Variants in HIBCH observed in about 807,000 individuals in gnomAD.
HIBCH encodes the protein 3-hydroxyisobutyryl-CoA hydrolase, mitochondrial.
Under a neutral mutation model 58.2 loss-of-function variants are expected in HIBCH, and 50 were observed. The ratio of observed to expected loss-of-function variants is 0.86; its 90% CI spans 0.68 to 1.09. The LOEUF is 1.09. HIBCH is among the 50% of genes least tolerant of loss of function. HIBCH has a pLI of 0.00. For missense variants in HIBCH, 450 were observed against 449.7 expected, an observed-to-expected ratio of 1.00 and a Z score of -0.01; for synonymous variants, 151 against 146.9, an observed-to-expected ratio of 1.03 and a Z score of -0.20.
Position 190,205,145 on chromosome 2 carries a change from G to T in HIBCH, c.1133C>A (p.Ser378Tyr), listed in dbSNP as rs774513879. 10 of 1,606,074 alleles carry T rather than the reference G, an allele frequency of 6.2e-6. No individual in the cohort carries two copies. In the East Asian group the frequency reaches 2.2e-4, roughly 36 times the overall value. ...TEEDLNNHFK[S>Y]LGSSDLKF ...AAATTTCAAATCACTGCTTCCCAAA[G>T]ACTTAAAGTGATTATTCAAATCTTC... Residue 378 changes from serine (S) to tyrosine (Y), a missense_variant, in exon 14 of 14, where the codon TCT (serine) becomes TAT (tyrosine). Coordinates refer to ENST00000359678, the MANE Select transcript of HIBCH (RefSeq NM_014362.4).
intron 6 of HIBCH, among the ~76,000 whole-genome samples, chr2:190,284,916 C>T (rs1687792140): frequency 6.6e-6 from 1 of 152,122 alleles, no homozygotes; most frequent in Non-Finnish European, 1.5e-5. Flanking sequence ...ATCTGATCAT[C>T]ATTTCTGTTC....
At position 190,291,416 on chromosome 2, in the gene HIBCH, G is replaced by A. The variant is rs187125851; in HGVS notation, c.305-931C>T. On this transcript the variant is annotated intron_variant, in intron 4 of 13. Transcript: ENST00000359678. ...CCTAGAAGAGGTAACCCTAAGCCAAGTTGGAAAAGGTAAATAGGAATTTCC... is the reference window on the plus strand; with the variant it reads ...CCTAGAAGAGGTAACCCTAAGCCAAATTGGAAAAGGTAAATAGGAATTTCC... Among the ~76,000 whole-genome samples the A allele has an allele frequency of 2.4e-3, 367 of 152,250 alleles. 4 individuals carry two copies. The Middle Eastern group carries it at 0.031, about 13-fold the overall frequency.
In HIBCH at chr2:190,214,992, A is replaced by G. The variant is rs990248720; in HGVS notation, c.892-1917T>C. 1.3e-5 allele frequency: 2 copies of G among 152,234 alleles called. No homozygotes were observed. The highest frequency in any genetic ancestry group is 4.8e-5 in the African/African-American group (2 of 41,458). 9.4% of individuals were successfully genotyped at this position (152,234 alleles called of 1,614,324 possible). A position where few individuals can be genotyped will look rare whatever the true frequency, so the allele number is the denominator to read the frequency against. On this transcript the variant is annotated intron_variant, in intron 11 of 13. Coordinates refer to ENST00000359678, the MANE Select transcript of HIBCH (RefSeq NM_014362.4). The surrounding 1 kb of genome is among the most constrained non-coding windows in gnomAD (Gnocchi z 5.5). ...TAAGTACTCTCTTAGAGAAGTCCCT[A>G]TGGGACAGGGAGGAGTTGGGTTTGT...
At chr2:190,298,987 T>C (rs1688187083) in intron 2 of HIBCH, among the ~76,000 whole-genome samples, 1 of 152,200 alleles carries the variant, frequency 6.6e-6, no homozygotes, top group African/African-American at 2.4e-5. Flanking sequence ...CCCAGCACCA[T>C]TTATTAAATA....
intron 6 of HIBCH, among the ~76,000 whole-genome samples, chr2:190,275,688 T>C (rs962108375): frequency 2.0e-5 from 3 of 152,196 alleles, no homozygotes; most frequent in Non-Finnish European, 2.9e-5. Context: ...AGTTTACAAA[T>C]AGATAACTCT....
At chr2:190,193,251 T>C (rs887425734) in intron 1 of HIBCH, among the ~76,000 whole-genome samples, 12 of 152,136 alleles carry the variant, frequency 7.9e-5, no homozygotes, top group African/African-American at 2.9e-4. Context: ...TAGTGAATTA[T>C]ATCTATTGTC....
chr2:190,212,115 A>G (rs1388528207), intron 12 of HIBCH, among the ~76,000 whole-genome samples: 4 of 152,244 alleles, frequency 2.6e-5, no homozygotes, highest in African/African-American at 7.2e-5. Context: ...TAGAGATACC[A>G]TAAGATTTAA....
At chr2:190,261,074 T>G (rs1687074803) in intron 7 of HIBCH, 82 bp downstream of exon 7, 4 of 1,009,014 alleles carry the variant, frequency 4.0e-6, no homozygotes, top group Middle Eastern at 4.4e-4. Context: ...GTCCATCAAT[T>G]CCTTCAACAA....
intron 11 of HIBCH, among the ~76,000 whole-genome samples, chr2:190,222,803 G>A (rs1250012093): frequency 8.5e-5 from 13 of 152,152 alleles, no homozygotes; most frequent in Non-Finnish European, 1.3e-4. Flanking sequence ...ATCATTCTAC[G>A]AGAAAGACAC....
chr2:190,282,640 C>G (rs955790185), intron 6 of HIBCH, among the ~76,000 whole-genome samples: 38 of 152,122 alleles, frequency 2.5e-4, no homozygotes, highest in African/African-American at 9.2e-4. Context: ...ATACTCAAAT[C>G]ACAGAAGTTT....
intron 2 of HIBCH, among the ~76,000 whole-genome samples, chr2:190,303,812 G>C (rs1362296021): frequency 6.6e-6 from 1 of 152,104 alleles, no homozygotes; most frequent in African/African-American, 2.4e-5. Context: ...ATAAAAGTTA[G>C]CATTACCAAT....
At position 190,243,056 on chromosome 2, in the gene HIBCH, C is replaced by T. The variant is rs1686499404; in HGVS notation, c.891+1831G>A. Reference sequence around the variant, plus strand: ...TGTGATGGTGAATACTGAGTGTCAACTTGACTGGACTGAAGGATACAAAGT... The same window carrying T: ...TGTGATGGTGAATACTGAGTGTCAATTTGACTGGACTGAAGGATACAAAGT... On this transcript the variant is annotated intron_variant, in intron 11 of 13. Coordinates refer to ENST00000359678, the MANE Select transcript of HIBCH (RefSeq NM_014362.4). This position sits in a 1 kb window ranked among gnomAD's most constrained non-coding sequence, Gnocchi z 4.1. 6.6e-6 allele frequency among the ~76,000 whole-genome samples: 1 copy of T among 152,174 alleles called. No homozygotes were observed. The highest frequency in any genetic ancestry group is 6.5e-5 in the Admixed American group (1 of 15,272).
At chr2:190,258,603 A>G (rs291413) in intron 7 of HIBCH, among the ~76,000 whole-genome samples, 43,503 of 152,144 alleles carry the variant, frequency 0.29, 6,833 homozygotes, top group East Asian at 0.45. Flanking sequence ...GATGTTGGAT[A>G]GATTCAACAA....
chr2:190,292,140 G>A (rs1481750693), intron 4 of HIBCH, among the ~76,000 whole-genome samples: 1 of 151,722 alleles, frequency 6.6e-6, no homozygotes, highest in Non-Finnish European at 1.5e-5. Flanking sequence ...GTGCCACCAT[G>A]CCTGGCTAAT....
At chr2:190,284,974 G>A (rs963146328) in intron 6 of HIBCH, among the ~76,000 whole-genome samples, 3 of 151,698 alleles carry the variant, frequency 2.0e-5, no homozygotes, top group African/African-American at 4.8e-5. Flanking sequence ...TCCTTTGTTG[G>A]GTTCCCAGTA....
chr2:190,194,970 T>C (rs1051151804), intron 1 of HIBCH, among the ~76,000 whole-genome samples: 1 of 152,104 alleles, frequency 6.6e-6, no homozygotes, highest in African/African-American at 2.4e-5. Flanking sequence ...CCAAGTGACC[T>C]CGGCTTCCTG....
intron 8 of HIBCH, among the ~76,000 whole-genome samples, chr2:190,251,139 T>G (rs547129974): frequency 6.6e-6 from 1 of 152,212 alleles, no homozygotes; most frequent in Non-Finnish European, 1.5e-5. Context: ...TGCATTAAAA[T>G]TATTAATAAT....
intron 6 of HIBCH, among the ~76,000 whole-genome samples, chr2:190,278,996 T>G (rs576457371): frequency 6.6e-6 from 1 of 152,276 alleles, no homozygotes; most frequent in Non-Finnish European, 1.5e-5. Flanking sequence ...GACTGGGCAA[T>G]TTATAAAGAA....
At chr2:190,235,854 C>T (rs1686257018) in intron 11 of HIBCH, among the ~76,000 whole-genome samples, 1 of 152,190 alleles carries the variant, frequency 6.6e-6, no homozygotes, top group African/African-American at 2.4e-5. Context: ...ACTTGCCACA[C>T]TGCATTGTAA....
Sources: gnomAD v4.1 joint callset for allele counts (sites outside exome capture counted in the v4.1 genomes callset) on GRCh38, gnomAD v4.1.1 for gene constraint, Gnocchi (gnomAD v3.1) non-coding constraint, MANE v1.5 for transcripts, NCBI Gene and HGNC (gene_info 2026-07-23, HGNC 2026-07-21) for gene names.